The following AGMO variants were observed in gnomAD, a reference collection of about 807,000 sequenced individuals.
The protein encoded by AGMO is glyceryl-ether monooxygenase.
In AGMO, 75 loss-of-function variants were observed where a neutral mutation model predicts 60.2. The observed-to-expected ratio is 1.25, with a 90% CI of 1.03 to 1.51. The LOEUF (loss-of-function observed/expected upper bound fraction) is 1.51. AGMO is among the 40% of genes most tolerant of loss of function. The pLI is 0.00. For missense variants in AGMO, 763 were observed against 525.5 expected (o/e 1.45, Z -4.42); for synonymous variants, 261 against 177.1 (o/e 1.47, Z -3.76).
intron 3 of AGMO, among the ~76,000 whole-genome samples, chr7:15,483,491 G>C (rs1415976838): frequency 1.3e-5 from 2 of 152,072 alleles, no homozygotes; most frequent in Non-Finnish European, 2.9e-5. Context: ...GCGTGAACCC[G>C]GGAGGCGGAG....
intron 12 of AGMO, among the ~76,000 whole-genome samples, chr7:15,364,439 A>T (rs1782886511): frequency 6.6e-6 from 1 of 152,084 alleles, no homozygotes; most frequent in Non-Finnish European, 1.5e-5. Context: ...CCTTATTGGT[A>T]CTAAAGGGTT....
chr7:15,174,394 A>G, the AGMO span, among the ~76,000 whole-genome samples: 1 of 152,088 alleles, frequency 6.6e-6, no homozygotes, highest in Non-Finnish European at 1.5e-5. Flanking sequence ...ATCATATATT[A>G]CTTTTGTAAT....
chr7:15,223,358 A>G (rs574971770), intron 12 of AGMO, among the ~76,000 whole-genome samples: 10 of 152,100 alleles, frequency 6.6e-5, no homozygotes, highest in Non-Finnish European at 1.3e-4. Flanking sequence ...AGCTTCAGTG[A>G]TATCATTGCA....
chr7:15,378,543 TAAGC>T (rs1378418264), intron 10 of AGMO, among the ~76,000 whole-genome samples: 1 of 151,896 alleles, frequency 6.6e-6, no homozygotes, highest in Non-Finnish European at 1.5e-5. Flanking sequence ...CCAGATTTAT[TAAGC>T]AAGTTCTTAG....
intron 5 of AGMO, among the ~76,000 whole-genome samples, chr7:15,406,331 A>AT (rs1784687618): frequency 6.8e-6 from 1 of 146,634 alleles, no homozygotes; most frequent in Admixed American, 6.9e-5. Flanking sequence ...ATATATATGG[A>AT]ATATACATAT....
chr7:15,513,748 C>G (rs10260385), intron 3 of AGMO, among the ~76,000 whole-genome samples: 1 of 152,104 alleles, frequency 6.6e-6, no homozygotes, highest in African/African-American at 2.4e-5. Context: ...ATTTTTCATC[C>G]AAGAGTTTTA....
At position 15,344,531 on chromosome 7, in the gene AGMO, C is replaced by G. The variant is rs145066853; in HGVS notation, c.1263+20983G>C. The stretch of plus-strand genomic sequence containing the variant: ...CCTGGGCAACATGACAAACCCGTTT[C>G]TACCAAAAATACAAAAATTAGCCAG... On this transcript the variant is annotated intron_variant, in intron 12 of 12. Coordinates refer to ENST00000342526, the MANE Select transcript of AGMO (RefSeq NM_001004320.2). Among the ~76,000 whole-genome samples, 503 of 152,198 alleles carry G rather than the reference C, an allele frequency of 3.3e-3. 1 individual carries two copies. The highest frequency in any genetic ancestry group is 0.011 in the African/African-American group (462 of 41,532).
intron 10 of AGMO, among the ~76,000 whole-genome samples, chr7:15,374,008 C>G (rs925654755): frequency 1.3e-4 from 20 of 152,166 alleles, no homozygotes; most frequent in Non-Finnish European, 2.4e-4. Context: ...TTATTAATAT[C>G]TCTGCAGCTC....
chr7:15,203,262 T>G (rs555440758), intron 12 of AGMO, among the ~76,000 whole-genome samples: 1 of 152,224 alleles, frequency 6.6e-6, no homozygotes, highest in Non-Finnish European at 1.5e-5. Context: ...CTATTAAAAA[T>G]TTTTACCTAA....
intron 12 of AGMO, among the ~76,000 whole-genome samples, chr7:15,245,746 A>T (rs750698678): frequency 2.0e-5 from 3 of 152,186 alleles, no homozygotes; most frequent in Non-Finnish European, 2.9e-5. Flanking sequence ...AATATTATTT[A>T]ATTCCTAAGT....
chr7:15,259,199 G>A (rs551778613), intron 12 of AGMO, among the ~76,000 whole-genome samples: 1 of 152,026 alleles, frequency 6.6e-6, no homozygotes, highest in Non-Finnish European at 1.5e-5. Flanking sequence ...GAAATAGATA[G>A]CATAAATAAA....
At chr7:15,559,471 T>C (rs939079786) in intron 2 of AGMO, among the ~76,000 whole-genome samples, 3 of 152,084 alleles carry the variant, frequency 2.0e-5, no homozygotes, top group African/African-American at 7.2e-5. Context: ...TGAATGAATC[T>C]GAATTGGCCT....
Position 15,201,224 on chromosome 7 carries a change from T to C in AGMO, c.*61A>G. ...TACATAAAATAATTACATTTTAATA[T>C]GCAGTCATAATATGCGTGTGGACAA... On this transcript the variant is annotated 3_prime_UTR_variant, in exon 13 of 13. Coordinates refer to ENST00000342526, the MANE Select transcript of AGMO (RefSeq NM_001004320.2). The C allele has an allele frequency of 5.8e-6, 6 of 1,030,252 alleles. No individual in the cohort carries two copies. The South Asian group carries it at 6.9e-5, about 12-fold the overall frequency. The allele number at this position is 1,030,252 out of a possible 1,614,324, so 63.8% of individuals were successfully genotyped here.
chr7:15,468,882 T>C (rs527376679), intron 3 of AGMO, among the ~76,000 whole-genome samples: 43 of 152,264 alleles, frequency 2.8e-4, no homozygotes, highest in Admixed American at 2.2e-3. Flanking sequence ...TAAATTTCAT[T>C]AAAATGCTGC....
At chr7:15,457,164 A>C (rs1441832623) in intron 3 of AGMO, among the ~76,000 whole-genome samples, 2 of 152,176 alleles carry the variant, frequency 1.3e-5, no homozygotes, top group Non-Finnish European at 2.9e-5. Flanking sequence ...CAAGCCTATT[A>C]ATTTTCAAAC....
chr7:15,521,981 A>T (rs1388963429), intron 3 of AGMO, among the ~76,000 whole-genome samples: 1 of 152,226 alleles, frequency 6.6e-6, no homozygotes, highest in Non-Finnish European at 1.5e-5. Context: ...CCTTAAGCTG[A>T]TAAGCAAACT....
intron 3 of AGMO, among the ~76,000 whole-genome samples, chr7:15,446,972 T>C (rs1219092829): frequency 1.3e-5 from 2 of 152,140 alleles, no homozygotes; most frequent in Non-Finnish European, 2.9e-5. Context: ...TGGCAATAAG[T>C]GATCCCAATG....
Position 15,201,342 on chromosome 7 carries a change from G to A in AGMO, c.1281C>T (p.Cys427=). The A allele has an allele frequency of 6.2e-7, 1 of 1,611,494 alleles. No individual in the cohort carries two copies. The highest frequency in any genetic ancestry group is 8.5e-7 in the Non-Finnish European group (1 of 1,178,758). ...SSAFEIVFSI[C]IAFWGVRSMK... Reference sequence around the variant, plus strand: ...TGCTTCTAACTCCCCAGAAAGCAATGCAAATGGAAAAAACAATCTGAAGAA... The same window carrying A: ...TGCTTCTAACTCCCCAGAAAGCAATACAAATGGAAAAAACAATCTGAAGAA... Residue 427 remains cysteine (C), a synonymous_variant, in exon 13 of 13, where the codon TGC becomes TGT. Coordinates refer to ENST00000342526, the MANE Select transcript of AGMO (RefSeq NM_001004320.2).
chr7:15,338,387 T>C (rs1302310138), intron 12 of AGMO, among the ~76,000 whole-genome samples: 22 of 152,178 alleles, frequency 1.4e-4, no homozygotes, highest in Admixed American at 1.4e-3. Flanking sequence ...AATTGCATTC[T>C]AATCAGTCAA....
Sources: allele counts gnomAD v4.1 joint callset (sites outside exome capture counted in the v4.1 genomes callset), GRCh38; gene constraint gnomAD v4.1.1; transcripts MANE v1.5; gene names NCBI Gene and HGNC (gene_info 2026-07-23, HGNC 2026-07-21).